The following PCDHGA4 variants were observed in gnomAD, a reference collection of about 807,000 sequenced individuals.
PCDHGA4 encodes the protein protocadherin gamma subfamily A, 4.
In PCDHGA4, 38 loss-of-function variants were observed where a neutral mutation model predicts 54.6. The observed-to-expected ratio is 0.70, with a 90% CI of 0.54 to 0.91. The LOEUF (loss-of-function observed/expected upper bound fraction) is 0.91. PCDHGA4 is among the 40% of genes least tolerant of loss of function. The probability of loss-of-function intolerance (pLI) is 0.00; values close to 1 mark genes in which losing one functional copy is unlikely to be tolerated. For synonymous variants in PCDHGA4, 511 were observed against 512.9 expected, an observed-to-expected ratio of 1.00 and a Z score of 0.05; for missense variants, 1,298 against 1,220.9, an observed-to-expected ratio of 1.06 and a Z score of -0.94.
intron 1 of PCDHGA4, among the ~76,000 whole-genome samples, chr5:141,465,888 C>T (rs1031908926): frequency 5.3e-5 from 8 of 151,942 alleles, no homozygotes; most frequent in South Asian, 2.1e-4. Context: ...TTTGGGAGGC[C>T]GAGGCGGGCA....
At position 141,360,903 on chromosome 5, in the gene PCDHGA4, G is replaced by A. The variant is rs752031820; in HGVS notation, c.2514+3282G>A. ...GGGTCACCCTGAGGGAGGACGTGCC[G>A]CCGGGCTTCTTTGTGCTTCAAGTGA... On this transcript the variant is annotated intron_variant, in intron 1 of 3. Coordinates refer to ENST00000571252, the MANE Select transcript of PCDHGA4 (RefSeq NM_018917.4). 3 of 1,614,034 alleles carry A rather than the reference G, an allele frequency of 1.9e-6. No homozygotes were observed. In the Admixed American group the frequency reaches 5.0e-5, roughly 27 times the overall value.
chr5:141,404,083 G>A (rs761560113), intron 1 of PCDHGA4: 7 of 1,613,736 alleles, frequency 4.3e-6, no homozygotes, highest in Admixed American at 3.3e-5. Context: ...GAGACTCCGG[G>A]AAGAATGGTC....
At chr5:141,460,502 G>A (rs1300155108) in intron 1 of PCDHGA4, among the ~76,000 whole-genome samples, 1 of 152,094 alleles carries the variant, frequency 6.6e-6, no homozygotes, top group Non-Finnish European at 1.5e-5. Flanking sequence ...AAAATATGCT[G>A]AGAAGGCTAT....
chr5:141,372,129 C>G (rs62620756), intron 1 of PCDHGA4: 1 of 1,613,624 alleles, frequency 6.2e-7, no homozygotes, highest in Non-Finnish European at 8.5e-7. Context: ...CGATATGGTG[C>G]CGCGCTCTGC....
chr5:141,388,971 C>T (rs2091561776), intron 1 of PCDHGA4: 2 of 1,613,890 alleles, frequency 1.2e-6, no homozygotes, highest in South Asian at 2.2e-5. Flanking sequence ...GCTGGGAACA[C>T]ATATTGCTTT....
rs774774450 is a variant in PCDHGA4, at chr5:141,398,863, G to A, written c.2514+41242G>A. The A allele has an allele frequency of 2.5e-6, 4 of 1,613,868 alleles. No homozygotes were observed. The highest frequency in any genetic ancestry group is 2.7e-5 in the African/African-American group (2 of 74,928). ...TAATCCCCCGGTATTCAACCGAGACGTGTACAGAGTCAGCCTTCGGGAAAA... is the reference window on the plus strand; with the variant it reads ...TAATCCCCCGGTATTCAACCGAGACATGTACAGAGTCAGCCTTCGGGAAAA... On this transcript the variant is annotated intron_variant, in intron 1 of 3. Transcript: ENST00000571252.
intron 1 of PCDHGA4, chr5:141,378,346 A>T (rs761383288): frequency 2.0e-5 from 3 of 152,252 alleles, no homozygotes; most frequent in Non-Finnish European, 2.9e-5. Context: ...AACATGGTGA[A>T]ACCCCGTCTC....
At chr5:141,422,745 C>G (rs1380262961) in intron 1 of PCDHGA4, 15 of 1,610,564 alleles carry the variant, frequency 9.3e-6, no homozygotes, top group Non-Finnish European at 1.3e-5. Flanking sequence ...CCTCCTATGT[C>G]TCTATTAACT....
intron 1 of PCDHGA4, chr5:141,382,749 G>A: frequency 1.6e-6 from 1 of 612,214 alleles, no homozygotes; most frequent in Non-Finnish European, 2.8e-6. Flanking sequence ...GACAGATTGC[G>A]ATAAGCCCTC....
intron 1 of PCDHGA4, among the ~76,000 whole-genome samples, chr5:141,438,833 T>C (rs989612425): frequency 6.6e-6 from 1 of 150,476 alleles, no homozygotes; most frequent in Non-Finnish European, 1.5e-5. Context: ...AGCTAATTTT[T>C]TAAAATATTT....
In PCDHGA4 at chr5:141,414,973, A is replaced by G. The variant is rs533056439; in HGVS notation, c.2514+57352A>G. 1.9e-5 allele frequency: 30 copies of G among 1,613,870 alleles called. No homozygotes were observed. The African/African-American group carries it at 3.7e-4, about 20-fold the overall frequency. Reference sequence around the variant, plus strand: ...GGTGACCAAGGTGGTGGCGGTGGACAGAGACTCCGGCCAGAACGCCTGGCT... The same window carrying G: ...GGTGACCAAGGTGGTGGCGGTGGACGGAGACTCCGGCCAGAACGCCTGGCT... On this transcript the variant is annotated intron_variant, in intron 1 of 3. Transcript: ENST00000571252.
intron 1 of PCDHGA4, chr5:141,393,148 A>AT: frequency 6.2e-7 from 1 of 1,613,332 alleles, no homozygotes; most frequent in Non-Finnish European, 8.5e-7. Context: ...CTGGTTGAGG[A>AT]TAAAGGAAAA....
intron 1 of PCDHGA4, among the ~76,000 whole-genome samples, chr5:141,451,804 C>G (rs914303400): frequency 9.2e-5 from 14 of 151,946 alleles, no homozygotes; most frequent in African/African-American, 3.4e-4. Context: ...TTGCTTGAAC[C>G]CAGGAGGCGG....
intron 1 of PCDHGA4, chr5:141,441,529 A>C (rs1042479748): frequency 4.6e-5 from 8 of 172,366 alleles, no homozygotes; most frequent in African/African-American, 1.9e-4. Flanking sequence ...GGCCAAGAAC[A>C]ATCTTCCCAA....
intron 1 of PCDHGA4, chr5:141,419,435 C>CGCACCT (rs2096383167): frequency 6.2e-7 from 1 of 1,613,108 alleles, no homozygotes; most frequent in Admixed American, 1.7e-5. Context: ...CGAGCAGCTG[C>CGCACCT]GCACCTTCGA....
At chr5:141,482,371 T>C (rs1191880709) in intron 1 of PCDHGA4, among the ~76,000 whole-genome samples, 2 of 152,100 alleles carry the variant, frequency 1.3e-5, no homozygotes, top group African/African-American at 2.4e-5. Flanking sequence ...AAGTAATGCA[T>C]ATAAAGTCCC....
chr5:141,372,076 T>C (rs1768385368), intron 1 of PCDHGA4: 4 of 1,613,690 alleles, frequency 2.5e-6, no homozygotes, highest in Non-Finnish European at 2.5e-6. Context: ...AATGCACCGC[T>C]GGTGCTGTAC....
intron 1 of PCDHGA4, among the ~76,000 whole-genome samples, chr5:141,471,869 G>A (rs1234106506): frequency 6.6e-6 from 1 of 152,172 alleles, no homozygotes; most frequent in Non-Finnish European, 1.5e-5. Flanking sequence ...AACTGTGGTT[G>A]CCTGAGGCTG....
At chr5:141,399,445 G>A (rs2093810599) in intron 1 of PCDHGA4, 1 of 1,614,032 alleles carries the variant, frequency 6.2e-7, no homozygotes, top group Non-Finnish European at 8.5e-7. Context: ...ACATATCAGA[G>A]ACGTCAACGA....
Sources: gnomAD v4.1 joint callset for allele counts (sites outside exome capture counted in the v4.1 genomes callset) on GRCh38, gnomAD v4.1.1 for gene constraint, MANE v1.5 for transcripts, NCBI Gene and HGNC (gene_info 2026-07-23, HGNC 2026-07-21) for gene names.